The following GRID2 variants were observed in gnomAD, a reference collection of about 807,000 sequenced individuals.
The protein encoded by GRID2 is glutamate ionotropic receptor delta type subunit 2.
Under a neutral mutation model 114.8 loss-of-function variants are expected in GRID2, and 33 were observed. The observed-to-expected ratio is 0.29, with a 90% CI of 0.22 to 0.38. The LOEUF is 0.38. Among genes scored for constraint, GRID2 ranks in the 10% least tolerant of loss-of-function variants. The probability of loss-of-function intolerance (pLI) is 1.00; values close to 1 mark genes in which losing one functional copy is unlikely to be tolerated. For synonymous variants in GRID2, 505 were observed against 449.9 expected, an observed-to-expected ratio of 1.12 and a Z score of -1.55; for missense variants, 1,184 against 1,257.7, an observed-to-expected ratio of 0.94 and a Z score of 0.89.
At chr4:92,817,331 A>G (rs1173685233) in intron 2 of GRID2, among the ~76,000 whole-genome samples, 1 of 152,056 alleles carries the variant, frequency 6.6e-6, no homozygotes, top group Admixed American at 6.6e-5. Flanking sequence ...ATTGGATCAT[A>G]TTATTCCTCT....
At chr4:92,876,046 C>G (rs773510054) in intron 2 of GRID2, among the ~76,000 whole-genome samples, 1 of 152,076 alleles carries the variant, frequency 6.6e-6, no homozygotes, top group African/African-American at 2.4e-5. Flanking sequence ...CTTCTTAATA[C>G]GCTCTCAATT....
At chr4:93,264,488 G>C (rs948609225) in intron 8 of GRID2, among the ~76,000 whole-genome samples, 1 of 151,684 alleles carries the variant, frequency 6.6e-6, no homozygotes, top group African/African-American at 2.4e-5. Context: ...GCTATTTGAG[G>C]ATAGATTTTT....
intron 2 of GRID2, among the ~76,000 whole-genome samples, chr4:92,689,437 A>G (rs374468852): frequency 5.3e-5 from 8 of 152,302 alleles, no homozygotes; most frequent in South Asian, 2.1e-4. Flanking sequence ...GGGGTCCCCA[A>G]CCACGGGGCC....
At chr4:93,106,750 A>G (rs571079287) in intron 3 of GRID2, among the ~76,000 whole-genome samples, 1 of 152,290 alleles carries the variant, frequency 6.6e-6, no homozygotes, top group Admixed American at 6.5e-5. Flanking sequence ...AATAAGCAAA[A>G]CTATTTATGC....
intron 1 of GRID2, among the ~76,000 whole-genome samples, chr4:92,498,605 T>C (rs1319735168): frequency 3.9e-5 from 6 of 151,908 alleles, no homozygotes; most frequent in Non-Finnish European, 7.4e-5. Context: ...AAAAATTAAC[T>C]TTCTTAATGA....
chr4:93,091,513 T>C (rs921430214), intron 3 of GRID2, among the ~76,000 whole-genome samples: 7 of 152,148 alleles, frequency 4.6e-5, no homozygotes, highest in African/African-American at 7.2e-5. Flanking sequence ...ATCATTAACA[T>C]CTGTCCTTTC....
At chr4:93,573,701 A>T (rs1443424146) in intron 13 of GRID2, among the ~76,000 whole-genome samples, 2 of 152,152 alleles carry the variant, frequency 1.3e-5, no homozygotes. Flanking sequence ...CTAACATTTT[A>T]GTATATCTCT....
chr4:92,513,356 T>C (rs2149133473), intron 1 of GRID2, among the ~76,000 whole-genome samples: 1 of 151,940 alleles, frequency 6.6e-6, no homozygotes, highest in Non-Finnish European at 1.5e-5. Context: ...TCACACACCA[T>C]GTTCTGCTTA....
chr4:92,705,876 A>C (rs1290054584), intron 2 of GRID2, among the ~76,000 whole-genome samples: 3 of 152,182 alleles, frequency 2.0e-5, no homozygotes, highest in Non-Finnish European at 4.4e-5. Flanking sequence ...ATGAAAATCT[A>C]TATGGCTAGG....
intron 1 of GRID2, among the ~76,000 whole-genome samples, chr4:92,559,290 C>T (rs1727005433): frequency 6.6e-6 from 1 of 152,094 alleles, no homozygotes; most frequent in African/African-American, 2.4e-5. Context: ...ATAGAAAATC[C>T]AGTCTCTACA....
chr4:92,781,088 T>A (rs1193123831), intron 2 of GRID2, among the ~76,000 whole-genome samples: 1 of 151,876 alleles, frequency 6.6e-6, no homozygotes, highest in Non-Finnish European at 1.5e-5. Context: ...CTACTAAAAA[T>A]ACAAAAATTA....
At chr4:92,765,512 AT>A (rs112820325) in intron 2 of GRID2, among the ~76,000 whole-genome samples, 3,826 of 146,716 alleles carry the variant, frequency 0.026, 99 homozygotes, top group East Asian at 0.12. Context: ...GAGACAAGCT[AT>A]TTTTTTTTTT....
intron 8 of GRID2, among the ~76,000 whole-genome samples, chr4:93,323,931 C>A (rs1374264511): frequency 1.3e-5 from 2 of 152,168 alleles, no homozygotes; most frequent in Non-Finnish European, 2.9e-5. Flanking sequence ...TGCTTATCAG[C>A]TTAAGGAGAT....
chr4:93,103,726 A>G (rs1731918424), intron 3 of GRID2, among the ~76,000 whole-genome samples: 2 of 151,968 alleles, frequency 1.3e-5, no homozygotes, highest in Non-Finnish European at 2.9e-5. Context: ...GAGGAGAGAG[A>G]ATTCATAATC....
At chr4:93,120,679 C>T (rs562656009) in intron 4 of GRID2, among the ~76,000 whole-genome samples, 10 of 152,052 alleles carry the variant, frequency 6.6e-5, no homozygotes, top group African/African-American at 2.2e-4. Flanking sequence ...GGGGACTGGG[C>T]GCGGTGGCTC....
chr4:92,926,018 T>C (rs1040551154), intron 2 of GRID2, among the ~76,000 whole-genome samples: 1 of 152,028 alleles, frequency 6.6e-6, no homozygotes, highest in African/African-American at 2.4e-5. Context: ...AGAATTAAAG[T>C]TGCAACATCA....
chr4:92,311,026 G>A (rs976955499), intron 1 of GRID2, among the ~76,000 whole-genome samples: 1 of 152,026 alleles, frequency 6.6e-6, no homozygotes, highest in Non-Finnish European at 1.5e-5. Context: ...GATTGAGAGA[G>A]CTGGATTTGT....
At chr4:93,111,853 A>C (rs1040800622) in intron 4 of GRID2, 19 of 148,350 alleles carry the variant, frequency 1.3e-4, no homozygotes, top group African/African-American at 4.7e-4. Context: ...GTTCTTTGAC[A>C]CTCACAATAT....
chr4:93,745,979 T>C (rs1731807343), intron 14 of GRID2, among the ~76,000 whole-genome samples: 1 of 152,138 alleles, frequency 6.6e-6, no homozygotes, highest in Non-Finnish European at 1.5e-5. Context: ...TCTGATTCTG[T>C]GAGCTCTAAA....
Sources: allele counts gnomAD v4.1 joint callset (sites outside exome capture counted in the v4.1 genomes callset), GRCh38; gene constraint gnomAD v4.1.1; transcripts MANE v1.5; gene names NCBI Gene and HGNC (gene_info 2026-07-23, HGNC 2026-07-21).